TENM4: variants seen among roughly 807,000 people sequenced by gnomAD.
The protein encoded by TENM4 is teneurin-4.
In TENM4, 82 loss-of-function variants were observed where a neutral mutation model predicts 243.3. That is an observed-to-expected ratio of 0.34 (90% CI 0.28 to 0.40). The LOEUF is 0.40. Among genes scored for constraint, TENM4 ranks in the 10% least tolerant of loss-of-function variants. TENM4 has a pLI of 1.00. For synonymous variants in TENM4, 1,412 were observed against 1,456.3 expected (o/e 0.97, Z 0.69); for missense variants, 3,138 against 3,673.3 (o/e 0.85, Z 3.77).
intron 10 of TENM4, among the ~76,000 whole-genome samples, chr11:78,862,547 A>G (rs913322945): frequency 2.6e-5 from 4 of 152,160 alleles, no homozygotes; most frequent in Non-Finnish European, 4.4e-5. Flanking sequence ...TTAAACCACA[A>G]GAGTCCAAGA....
intron 12 of TENM4, among the ~76,000 whole-genome samples, chr11:78,821,191 T>C (rs1565393552): frequency 6.6e-6 from 1 of 152,238 alleles, no homozygotes; most frequent in Non-Finnish European, 1.5e-5. Context: ...AGGAGAAAGA[T>C]TGTTTCCTTA....
At chr11:79,009,820 T>C (rs2136746740) in intron 6 of TENM4, among the ~76,000 whole-genome samples, 1 of 152,262 alleles carries the variant, frequency 6.6e-6, no homozygotes, top group Non-Finnish European at 1.5e-5. Flanking sequence ...TATATTCCAG[T>C]GATATGGTTT....
chr11:79,205,848 T>C (rs1346001834), intron 3 of TENM4, among the ~76,000 whole-genome samples: 2 of 152,212 alleles, frequency 1.3e-5, no homozygotes, highest in African/African-American at 4.8e-5. Context: ...CACTTTATAA[T>C]TGAAATGAAG....
At chr11:78,807,343 C>G (rs1857410493) in intron 14 of TENM4, among the ~76,000 whole-genome samples, 1 of 152,216 alleles carries the variant, frequency 6.6e-6, no homozygotes, top group Non-Finnish European at 1.5e-5. Context: ...AATTACTCCA[C>G]ATCCAGAATC....
At chr11:78,703,815 C>T (rs928098777) in intron 27 of TENM4, among the ~76,000 whole-genome samples, 13 of 151,790 alleles carry the variant, frequency 8.6e-5, no homozygotes, top group African/African-American at 2.7e-4. Context: ...ATCTGGGGTG[C>T]GCTTAAGCAA....
At chr11:79,420,472 C>T (rs1174459395) in intron 1 of TENM4, among the ~76,000 whole-genome samples, 1 of 152,128 alleles carries the variant, frequency 6.6e-6, no homozygotes, top group African/African-American at 2.4e-5. Flanking sequence ...CTGAAGAAAC[C>T]CTACTCTTGT....
chr11:78,920,050 A>G (rs1224817883), intron 6 of TENM4, among the ~76,000 whole-genome samples: 3 of 152,142 alleles, frequency 2.0e-5, no homozygotes, highest in Non-Finnish European at 4.4e-5. Context: ...CCTCTTATTT[A>G]TCACCATGTC....
intron 27 of TENM4, among the ~76,000 whole-genome samples, chr11:78,705,810 A>C (rs1399894376): frequency 1.3e-5 from 2 of 152,198 alleles, no homozygotes; most frequent in Non-Finnish European, 2.9e-5. Context: ...TGTGTCACCT[A>C]CCTCAAGTTT....
intron 4 of TENM4, among the ~76,000 whole-genome samples, chr11:79,079,992 G>GC (rs397745804): frequency 6.6e-4 from 100 of 151,640 alleles, no homozygotes; most frequent in Non-Finnish European, 1.1e-3. Flanking sequence ...TACCTCAGGG[G>GC]GCTGAAACCT....
chr11:78,913,628 T>A (rs1371688292), intron 6 of TENM4, among the ~76,000 whole-genome samples: 8 of 114,354 alleles, frequency 7.0e-5, no homozygotes, highest in South Asian at 2.8e-4. Flanking sequence ...TGTGTGTGTG[T>A]GAGTGTCGGG....
At chr11:78,848,333 G>A (rs539686008) in intron 12 of TENM4, among the ~76,000 whole-genome samples, 5 of 152,194 alleles carry the variant, frequency 3.3e-5, no homozygotes, top group Admixed American at 6.5e-5. Flanking sequence ...TTTGCTTAGC[G>A]TGGCATTTAA....
intron 25 of TENM4, among the ~76,000 whole-genome samples, chr11:78,719,349 C>T (rs886947297): frequency 6.6e-6 from 1 of 152,030 alleles, no homozygotes; most frequent in African/African-American, 2.4e-5. Flanking sequence ...CTATCTGCTA[C>T]ATAGTAAATG....
intron 4 of TENM4, among the ~76,000 whole-genome samples, chr11:79,133,866 T>C (rs10899597): frequency 0.44 from 66,439 of 152,000 alleles, 15,286 homozygotes; most frequent in Middle Eastern, 0.53. Context: ...AAAAGCCATC[T>C]ATGACAAACC....
Position 78,812,236 on chromosome 11 carries a change from C to T in TENM4, c.1864G>A (p.Glu622Lys), listed in dbSNP as rs1315774769. 8.4e-6 allele frequency: 13 copies of T among 1,551,984 alleles called. No individual in the cohort carries two copies. Among genetic ancestry groups the T allele is most frequent in the Non-Finnish European group, 1.1e-5 (13 of 1,147,178 alleles). ...CLCHSGWKGA[E>K]CDVPTNQCID... ...CACTGGTTGGTGGGCACATCGCACT[C>T]AGCGCCTTTCCAGCCACTGTGGCAC... Residue 622 changes from glutamate (E) to lysine (K), a missense_variant, in exon 14 of 34, where the codon GAG becomes AAG. This residue lies in a region of TENM4 where 2,467 missense variants were observed against 3,059.1 expected (regional missense o/e 0.81). Transcript: ENST00000278550.
At chr11:78,928,300 G>A (rs548043574) in intron 6 of TENM4, among the ~76,000 whole-genome samples, 2 of 152,274 alleles carry the variant, frequency 1.3e-5, no homozygotes, top group Admixed American at 1.3e-4. Context: ...TTTTGAGAGG[G>A]CAATATCATA....
At chr11:78,866,458 T>TAAAAAA (rs5792824) in intron 9 of TENM4, among the ~76,000 whole-genome samples, 6 of 130,632 alleles carry the variant, frequency 4.6e-5, no homozygotes, top group South Asian at 2.6e-4. Flanking sequence ...AGTCCTTGCT[T>TAAAAAA]AAAAAAAAAA....
At chr11:79,358,751 C>CT (rs57051155) in intron 1 of TENM4, among the ~76,000 whole-genome samples, 149,948 of 149,974 alleles carry the variant, frequency 1, 74,961 homozygotes, top group Middle Eastern at 1. Flanking sequence ...CTTTCCTTTC[C>CT]TTTTTTCCTT....
At chr11:78,952,971 T>C (rs938041389) in intron 6 of TENM4, among the ~76,000 whole-genome samples, 9 of 152,206 alleles carry the variant, frequency 5.9e-5, no homozygotes, top group African/African-American at 2.2e-4. Flanking sequence ...ATATAGGTAC[T>C]GTTGTTGTTA....
chr11:78,668,586 G>T (rs1164686431), intron 32 of TENM4, among the ~76,000 whole-genome samples: 1 of 152,128 alleles, frequency 6.6e-6, no homozygotes, highest in African/African-American at 2.4e-5. Context: ...GAGATATTAG[G>T]ATTTCATGGT....
Sources: allele counts gnomAD v4.1 joint callset (sites outside exome capture counted in the v4.1 genomes callset), GRCh38; gene constraint gnomAD v4.1.1; regional missense constraint gnomAD v4.1.1; transcripts MANE v1.5; gene names NCBI Gene and HGNC (gene_info 2026-07-23, HGNC 2026-07-21).